The following PRDM11 variants were observed in gnomAD, a reference collection of about 807,000 sequenced individuals.
PRDM11 encodes PR domain-containing protein 11.
Under a neutral mutation model 97.8 loss-of-function variants are expected in PRDM11, and 20 were observed. The ratio of observed to expected loss-of-function variants is 0.20; its 90% CI spans 0.14 to 0.30. The LOEUF is 0.30. Among genes scored for constraint, PRDM11 ranks in the 10% least tolerant of loss-of-function variants. The pLI, the probability that PRDM11 is intolerant of heterozygous loss-of-function variation, is 1.00. For missense variants in PRDM11, 1,139 were observed against 1,555.2 expected (o/e 0.73, Z 4.50); for synonymous variants, 599 against 637.7 (o/e 0.94, Z 0.91).
chr11:45,216,346 GAT>G (rs1232740291), intron 5 of PRDM11: 1 of 152,290 alleles, frequency 6.6e-6, no homozygotes, highest in Non-Finnish European at 1.5e-5. Context: ...AGCCACAGTG[GAT>G]AGATTTTGCC....
Position 45,209,192 on chromosome 11 carries a change from C to A in PRDM11, c.554+4414C>A, listed in dbSNP as rs180843634. ...GGGGCCGGGCCCCCACCATCGTGCT[C>A]ACGGCCCACGAGAGGGCCATCAAGT... On this transcript the variant is annotated intron_variant, in intron 5 of 7. Transcript: ENST00000683152. 4 of 448,406 alleles carry A rather than the reference C, an allele frequency of 8.9e-6. No individual in the cohort carries two copies. In the East Asian group the frequency reaches 2.8e-4, roughly 31 times the overall value. 27.8% of individuals were successfully genotyped at this position (448,406 alleles called of 1,614,324 possible).
At chr11:45,095,957 T>C (rs1851883015) in intron 1 of PRDM11, 1 of 760,036 alleles carries the variant, frequency 1.3e-6, no homozygotes, top group Admixed American at 1.8e-5. Flanking sequence ...CACTTGCTAC[T>C]ACCTCTCCCT....
upstream of PRDM11, among the ~76,000 whole-genome samples, chr11:45,144,171 G>A (rs1165648476): frequency 6.6e-6 from 1 of 152,208 alleles, no homozygotes; most frequent in Non-Finnish European, 1.5e-5. Flanking sequence ...TACAGGGGCA[G>A]TTTCTTGAGG....
Position 45,175,086 on chromosome 11 carries a change from T to A in PRDM11, c.-6-6675T>A, listed in dbSNP as rs371028481. Among the ~76,000 whole-genome samples, 7 of 152,324 alleles carry A rather than the reference T, an allele frequency of 4.6e-5. No individual in the cohort carries two copies. The South Asian group carries it at 8.3e-4, about 18-fold the overall frequency. ...ACATCCAGCTTCCCGGTTATTAACA[T>A]CCCACACCAAAGTGGAACATTTGTT... On this transcript the variant is annotated intron_variant, in intron 1 of 7. Coordinates refer to ENST00000683152, the MANE Select transcript of PRDM11 (RefSeq NM_001384648.1).
chr11:45,184,929 G>T (rs1852650496), intron 4 of PRDM11, among the ~76,000 whole-genome samples: 1 of 152,130 alleles, frequency 6.6e-6, no homozygotes, highest in Non-Finnish European at 1.5e-5. Flanking sequence ...GACTTTAGCA[G>T]TTCATGGTCT....
intron 1 of PRDM11, among the ~76,000 whole-genome samples, chr11:45,126,658 A>G (rs1484091378): frequency 2.0e-5 from 3 of 152,188 alleles, no homozygotes; most frequent in Non-Finnish European, 4.4e-5. Flanking sequence ...AATGTTGAAT[A>G]TTGGCCCCCA....
At chr11:45,142,357 G>A (rs1851424704), upstream of PRDM11, among the ~76,000 whole-genome samples, 1 of 152,104 alleles carries the variant, frequency 6.6e-6, no homozygotes, top group Non-Finnish European at 1.5e-5. Flanking sequence ...CAGGGCCTTT[G>A]CACTGGCTGT....
intron 6 of PRDM11, among the ~76,000 whole-genome samples, chr11:45,220,030 A>G (rs3758726): frequency 0.35 from 53,689 of 152,000 alleles, 10,350 homozygotes; most frequent in Non-Finnish European, 0.45. Flanking sequence ...CCGAGCAAAT[A>G]TGTTTAATCA....
intron 1 of PRDM11, among the ~76,000 whole-genome samples, chr11:45,148,193 C>T (rs941261170): frequency 2.0e-5 from 3 of 152,152 alleles, no homozygotes; most frequent in Admixed American, 2.0e-4. Flanking sequence ...GAGCCCAGAC[C>T]TCTTGCTGTA....
intron 1 of PRDM11, among the ~76,000 whole-genome samples, chr11:45,168,521 G>A (rs1852124778): frequency 6.6e-6 from 1 of 152,134 alleles, no homozygotes; most frequent in Non-Finnish European, 1.5e-5. Context: ...TCCTCCGGTG[G>A]CCTTGAGGTT....
chr11:45,122,548 T>C (rs1852461446), intron 1 of PRDM11, among the ~76,000 whole-genome samples: 1 of 145,196 alleles, frequency 6.9e-6, no homozygotes, highest in Non-Finnish European at 1.5e-5. Flanking sequence ...TGTCCATGTG[T>C]TCTCATTGTT....
intron 1 of PRDM11, among the ~76,000 whole-genome samples, chr11:45,181,073 G>T (rs753853759): frequency 2.0e-5 from 3 of 152,180 alleles, no homozygotes; most frequent in Non-Finnish European, 4.4e-5. Context: ...CCCAGGCTGC[G>T]TGCCACCCTC....
At chr11:45,134,614 G>A (rs1225574286) in intron 1 of PRDM11, among the ~76,000 whole-genome samples, 2 of 145,360 alleles carry the variant, frequency 1.4e-5, no homozygotes, top group Non-Finnish European at 3.0e-5. Flanking sequence ...TGGGAGAATC[G>A]CTTGAGCCTG....
At chr11:45,144,355 T>C (rs1306676622), upstream of PRDM11, among the ~76,000 whole-genome samples, 2 of 152,144 alleles carry the variant, frequency 1.3e-5, no homozygotes, top group African/African-American at 2.4e-5. Context: ...GTGTGACGCC[T>C]GAAGCGCTGA....
chr11:45,107,959 A>G (rs1415136458), intron 1 of PRDM11, among the ~76,000 whole-genome samples: 2 of 151,780 alleles, frequency 1.3e-5, no homozygotes, highest in Admixed American at 6.6e-5. Context: ...CCTCCCAAGT[A>G]GCTGGGACTA....
intron 1 of PRDM11, among the ~76,000 whole-genome samples, chr11:45,118,029 T>C (rs1852341213): frequency 6.6e-6 from 1 of 151,924 alleles, no homozygotes; most frequent in African/African-American, 2.4e-5. Flanking sequence ...AGTCATGACA[T>C]TAAAAAAAAA....
chr11:45,195,300 C>G (rs1307156702), intron 4 of PRDM11, among the ~76,000 whole-genome samples: 2 of 152,178 alleles, frequency 1.3e-5, no homozygotes, highest in Non-Finnish European at 2.9e-5. Flanking sequence ...GTGCAACCAT[C>G]ATCACAGTCG....
At position 45,176,068 on chromosome 11, in the gene PRDM11, T is replaced by C. The variant is rs1450772492; in HGVS notation, c.-6-5693T>C. On this transcript the variant is annotated intron_variant, in intron 1 of 7. Coordinates refer to ENST00000683152, the MANE Select transcript of PRDM11 (RefSeq NM_001384648.1). Reference sequence around the variant, plus strand: ...ATTTATTAGGGGTATTCACTGCTTGTAAAGGCCCTCTTCTAATGTCAAACA... The same window carrying C: ...ATTTATTAGGGGTATTCACTGCTTGCAAAGGCCCTCTTCTAATGTCAAACA... Among the ~76,000 whole-genome samples the C allele has an allele frequency of 2.0e-5, 3 of 152,148 alleles. No homozygotes were observed. In the South Asian group the frequency reaches 6.2e-4, roughly 32 times the overall value.
intron 1 of PRDM11, among the ~76,000 whole-genome samples, chr11:45,116,718 C>A (rs975548169): frequency 1.3e-5 from 2 of 152,144 alleles, no homozygotes; most frequent in African/African-American, 4.8e-5. Context: ...TTTGTTATGG[C>A]AGTCCTAGAA....
Sources: allele counts gnomAD v4.1 joint callset (sites outside exome capture counted in the v4.1 genomes callset), GRCh38; gene constraint gnomAD v4.1.1; transcripts MANE v1.5; gene names NCBI Gene and HGNC (gene_info 2026-07-23, HGNC 2026-07-21).